The following RIMS2 variants were observed in gnomAD, a reference collection of about 807,000 sequenced individuals.
RIMS2 encodes regulating synaptic membrane exocytosis 2, also known as regulating synaptic membrane exocytosis protein 2.
RIMS2 carries 59 observed loss-of-function variants against 174.4 expected under a neutral mutation model. That is an observed-to-expected ratio of 0.34 (90% confidence interval 0.27 to 0.42). The LOEUF (loss-of-function observed/expected upper bound fraction) is 0.42, where lower values mean the gene tolerates loss of function less well. Among genes scored for constraint, RIMS2 ranks in the 10% least tolerant of loss-of-function variants. The pLI, the probability that RIMS2 is intolerant of heterozygous loss-of-function variation, is 1.00. For missense variants in RIMS2, 1,620 were observed against 1,666.3 expected, an observed-to-expected ratio of 0.97 and a Z score of 0.48; for synonymous variants, 606 against 572.5, an observed-to-expected ratio of 1.06 and a Z score of -0.84.
chr8:103,844,210 G>A (rs2098956122), intron 3 of RIMS2, among the ~76,000 whole-genome samples: 1 of 152,108 alleles, frequency 6.6e-6, no homozygotes, highest in African/African-American at 2.4e-5. Context: ...GCGTGAAAAT[G>A]GACTAATACA....
chr8:103,623,210 A>T (rs1413491381), intron 1 of RIMS2, among the ~76,000 whole-genome samples: 1 of 152,226 alleles, frequency 6.6e-6, no homozygotes, highest in Non-Finnish European at 1.5e-5. Flanking sequence ...TAGCCCTAAC[A>T]TTCATACCTA....
intron 9 of RIMS2, 111 bp downstream of exon 12, chr8:103,918,598 C>G: frequency 1.2e-6 from 1 of 807,552 alleles, no homozygotes; most frequent in Non-Finnish European, 2.1e-6. Context: ...ACCTTGTTAT[C>G]AAGTCTGTAA....
chr8:103,949,137 AAAAAAAAAAAGGGAAAGGG>A (rs1160362163), intron 14 of RIMS2, among the ~76,000 whole-genome samples: 4 of 145,442 alleles, frequency 2.8e-5, no homozygotes, highest in Non-Finnish European at 4.5e-5. Flanking sequence ...AAAAAAAAAA[AAAAAAAAAAAGGGAAAGGG>A]AAAGGGAAAG....
At chr8:104,113,547 T>A (rs1457652157) in intron 19 of RIMS2, among the ~76,000 whole-genome samples, 1 of 152,080 alleles carries the variant, frequency 6.6e-6, no homozygotes, top group Non-Finnish European at 1.5e-5. Flanking sequence ...ATTTATGATA[T>A]GTTTCACGGT....
At chr8:104,251,356 C>T (rs575142414) in intron 23 of RIMS2, among the ~76,000 whole-genome samples, 193 bp downstream of exon 29, 2 of 152,306 alleles carry the variant, frequency 1.3e-5, no homozygotes, top group South Asian at 4.2e-4. Context: ...TACAGACATG[C>T]AAATCCCCAC....
At chr8:103,885,257 AC>A in intron 3 of RIMS2, 40 bp from the exon 7 acceptor site, 1 of 1,506,742 alleles carries the variant, frequency 6.6e-7, no homozygotes, top group Middle Eastern at 1.8e-4. Context: ...AAATTGATAA[AC>A]TTTTGCTCTT....
chr8:104,151,859 A>G (rs1423716172), intron 19 of RIMS2, among the ~76,000 whole-genome samples: 13 of 152,144 alleles, frequency 8.5e-5, no homozygotes, highest in Admixed American at 8.5e-4. Context: ...GAAGATTAAC[A>G]TTTTAGAATT....
At chr8:104,220,782 C>T (rs1343201965) in intron 19 of RIMS2, among the ~76,000 whole-genome samples, 2 of 151,860 alleles carry the variant, frequency 1.3e-5, no homozygotes, top group Non-Finnish European at 2.9e-5. Flanking sequence ...TTACTGTTAA[C>T]TTTTTCTGGA....
intron 4 of RIMS2, 131 bp downstream of exon 7, chr8:103,886,354 A>G: frequency 1.4e-6 from 1 of 719,932 alleles, no homozygotes. Flanking sequence ...AATGGCATCG[A>G]ACGTGTGAAG....
chr8:103,783,904 T>C (rs2098416562), intron 3 of RIMS2, among the ~76,000 whole-genome samples: 1 of 152,134 alleles, frequency 6.6e-6, no homozygotes, highest in Non-Finnish European at 1.5e-5. Flanking sequence ...AGTGTCCCTA[T>C]TTCTCCACAT....
At chr8:104,039,847 A>G (rs1235621323) in intron 19 of RIMS2, among the ~76,000 whole-genome samples, 2 of 151,728 alleles carry the variant, frequency 1.3e-5, no homozygotes, top group Non-Finnish European at 3.0e-5. Flanking sequence ...TTTCTGGAGA[A>G]TCTGAAGATT....
chr8:104,178,802 C>G (rs148113345), intron 19 of RIMS2, among the ~76,000 whole-genome samples: 21 of 151,622 alleles, frequency 1.4e-4, no homozygotes, highest in African/African-American at 5.1e-4. Context: ...GTTTGTACAC[C>G]CAATCATGCA....
chr8:103,723,326 CTCT>C (rs1474351407), intron 2 of RIMS2, among the ~76,000 whole-genome samples: 1 of 152,198 alleles, frequency 6.6e-6, no homozygotes, highest in Non-Finnish European at 1.5e-5. Flanking sequence ...AAGAAGTAAG[CTCT>C]TCTTGTTCTC....
At position 103,766,500 on chromosome 8, in the gene RIMS2, G is replaced by C. The variant is rs769411792; in HGVS notation, c.661G>C (p.Val221Leu). The C allele has an allele frequency of 1.9e-6, 3 of 1,613,474 alleles. No homozygotes were observed. In the African/African-American group the frequency reaches 4.0e-5, roughly 22 times the overall value. Residue 221 changes from valine to leucine, a missense_variant, in exon 3 of 24, where the codon GTG becomes CTG. By Grantham distance (32) the Val-to-Leu change is conservative (BLOSUM62 1). Coordinates refer to ENST00000504942, the Ensembl canonical transcript of RIMS2. ...GCATTCTATTAAAAATGGGTCAGGC[G>C]TGAAGCATCACATTGCCAGTGACAT...
intron 3 of RIMS2, among the ~76,000 whole-genome samples, chr8:103,774,961 A>G (rs577054488): frequency 6.6e-6 from 1 of 152,316 alleles, no homozygotes; most frequent in Non-Finnish European, 1.5e-5. Context: ...CACTGGTTTC[A>G]TTGAAATTTT....
chr8:104,103,301 G>C (rs1047369219), intron 19 of RIMS2, among the ~76,000 whole-genome samples: 8 of 152,126 alleles, frequency 5.3e-5, no homozygotes, highest in African/African-American at 1.9e-4. Context: ...TGTCAAAATA[G>C]ATAGTGGTGA....
At position 103,812,095 on chromosome 8, in the gene RIMS2, T is replaced by C. The variant is rs376469309; in HGVS notation, c.698+45558T>C. Among the ~76,000 whole-genome samples the C allele has an allele frequency of 2.6e-5, 4 of 152,314 alleles. No homozygotes were observed. The South Asian group carries it at 6.2e-4, about 24-fold the overall frequency. ...TGTTTTTGTACATCAGAAAACAGCA[T>C]GTTTTTTTTCAGCTGGCCATCAACA... On this transcript the variant is annotated intron_variant, in intron 3 of 23. Coordinates refer to ENST00000504942, the Ensembl canonical transcript of RIMS2.
At chr8:103,596,394 TG>T (rs2133524223) in intron 1 of RIMS2, among the ~76,000 whole-genome samples, 1 of 152,208 alleles carries the variant, frequency 6.6e-6, no homozygotes, top group Admixed American at 6.6e-5. Context: ...GTTTTGTTTT[TG>T]TTGTTTTTTG....
chr8:103,639,253 G>A (rs772212086), intron 1 of RIMS2, among the ~76,000 whole-genome samples: 14 of 151,404 alleles, frequency 9.2e-5, no homozygotes, highest in Non-Finnish European at 1.9e-4. Flanking sequence ...AGGTTATATT[G>A]TACCTTTTAA....
Sources: gnomAD v4.1 joint callset for allele counts (sites outside exome capture counted in the v4.1 genomes callset) on GRCh38, gnomAD v4.1.1 for gene constraint, MANE v1.5 for transcripts, NCBI Gene and HGNC (gene_info 2026-07-23, HGNC 2026-07-21) for gene names.